TSPAN11: variants seen among roughly 807,000 people sequenced by gnomAD.
TSPAN11 encodes the protein tetraspanin-11.
Under a neutral mutation model 32.9 loss-of-function variants are expected in TSPAN11, and 29 were observed. The ratio of observed to expected loss-of-function variants is 0.88; its 90% CI spans 0.66 to 1.20. The LOEUF (loss-of-function observed/expected upper bound fraction) is 1.20, where lower values mean the gene tolerates loss of function less well. TSPAN11 is among the 50% of genes most tolerant of loss of function. The probability of loss-of-function intolerance (pLI) is 0.00; values close to 1 mark genes in which losing one functional copy is unlikely to be tolerated. For missense variants in TSPAN11, 283 were observed against 329.1 expected, an observed-to-expected ratio of 0.86 and a Z score of 1.08; for synonymous variants, 140 against 141.3, an observed-to-expected ratio of 0.99 and a Z score of 0.07.
chr12:30,937,094 T>C (rs558338746), intron 1 of TSPAN11, among the ~76,000 whole-genome samples: 1 of 152,184 alleles, frequency 6.6e-6, no homozygotes, highest in African/African-American at 2.4e-5. Context: ...TGACCAACTT[T>C]TCAAATTCAG....
At chr12:30,996,887 T>TTCCTCCCTTCAGTCAGTCCATGTTTTCC (rs1939426148), downstream of TSPAN11, among the ~76,000 whole-genome samples, 1 of 152,224 alleles carries the variant, frequency 6.6e-6, no homozygotes, top group African/African-American at 2.4e-5. Context: ...CTCTTCAGGC[T>TTCCTCCCTTCAGTCAGTCCATGTTTTCC]TCCTCCCTTC....
At position 30,963,937 on chromosome 12, in the gene TSPAN11, TTTGCGGGCGTAC is replaced by T. The variant is rs764397027; in HGVS notation, c.200_211del (p.Ala67_Leu70del). On this transcript the variant is annotated inframe_deletion, in exon 3 of 8. Transcript: ENST00000546076. The stretch of plus-strand genomic sequence containing the variant: ...TGCCGCCTCCGCCTACATCCTCATC[TTTGCGGGCGTAC>T]TTGTCATGGTGACCGGCTTCCTGGG... The T allele has an allele frequency of 1.2e-6, 2 of 1,614,100 alleles. No individual in the cohort carries two copies. Among genetic ancestry groups the T allele is most frequent in the Admixed American group, 3.3e-5 (2 of 60,026 alleles).
chr12:30,997,977 G>A (rs987959947), downstream of TSPAN11, among the ~76,000 whole-genome samples: 1 of 152,248 alleles, frequency 6.6e-6, no homozygotes, highest in Admixed American at 6.5e-5. Flanking sequence ...AAAGGTCATA[G>A]CAGCGGCCTT....
chr12:30,961,849 G>T (rs78850568), intron 2 of TSPAN11, among the ~76,000 whole-genome samples: 2 of 151,952 alleles, frequency 1.3e-5, no homozygotes, highest in African/African-American at 4.9e-5. Flanking sequence ...TGCTGAAGGG[G>T]GCAAAAAGAA....
intron 2 of TSPAN11, among the ~76,000 whole-genome samples, chr12:30,958,402 GAGA>G (rs1479351625): frequency 6.6e-6 from 1 of 152,186 alleles, no homozygotes; most frequent in Admixed American, 6.5e-5. Context: ...CTGGCACTCA[GAGA>G]AGGTCATTCA....
the TSPAN11 span, among the ~76,000 whole-genome samples, chr12:31,016,115 A>C: frequency 6.6e-6 from 1 of 152,248 alleles, no homozygotes; most frequent in Non-Finnish European, 1.5e-5. Flanking sequence ...CGTCTCTAAA[A>C]AAGTTTTATT....
chr12:30,986,538 C>T (rs555333365), intron 7 of TSPAN11, among the ~76,000 whole-genome samples: 62 of 152,188 alleles, frequency 4.1e-4, no homozygotes, highest in Middle Eastern at 3.2e-3. Context: ...TAAGGGTTTC[C>T]AATACAGCTT....
chr12:31,000,266 C>T (rs1001933262), downstream of TSPAN11, among the ~76,000 whole-genome samples: 10 of 152,216 alleles, frequency 6.6e-5, no homozygotes, highest in Admixed American at 6.5e-4. Flanking sequence ...GTTCTCTGAG[C>T]TCCTGCAGGC....
downstream of TSPAN11, among the ~76,000 whole-genome samples, chr12:30,997,704 A>G (rs1939436140): frequency 6.6e-6 from 1 of 152,116 alleles, no homozygotes. Context: ...GAACCAAACC[A>G]TATCAGGCAG....
At chr12:30,949,019 A>G (rs1938324615) in intron 1 of TSPAN11, among the ~76,000 whole-genome samples, 1 of 152,216 alleles carries the variant, frequency 6.6e-6, no homozygotes, top group Admixed American at 6.5e-5. Context: ...GGCACGGACA[A>G]AATGCTGGCA....
intron 2 of TSPAN11, among the ~76,000 whole-genome samples, chr12:30,957,231 C>T (rs1005731051): frequency 1.9e-5 from 1 of 51,566 alleles, no homozygotes; most frequent in South Asian, 8.1e-4. Context: ...GCCTGGGACC[C>T]CCCCCCCCCC....
At chr12:30,974,473 T>C (rs1938919124) in intron 3 of TSPAN11, among the ~76,000 whole-genome samples, 1 of 152,220 alleles carries the variant, frequency 6.6e-6, no homozygotes, top group Non-Finnish European at 1.5e-5. Context: ...AAGGTAACTG[T>C]GCTATGCTAC....
chr12:30,988,163 G>A (rs970465055), intron 7 of TSPAN11, among the ~76,000 whole-genome samples: 2 of 152,202 alleles, frequency 1.3e-5, no homozygotes, highest in African/African-American at 4.8e-5. Context: ...GCACACCAGA[G>A]GCAGTTTCAG....
intron 7 of TSPAN11, among the ~76,000 whole-genome samples, chr12:30,990,331 G>A (rs1827238077): frequency 6.6e-6 from 1 of 152,142 alleles, no homozygotes; most frequent in African/African-American, 2.4e-5. Flanking sequence ...TGCAGGCGAT[G>A]CAGACATGGT....
chr12:31,011,445 A>G, the TSPAN11 span, among the ~76,000 whole-genome samples: 1 of 152,210 alleles, frequency 6.6e-6, no homozygotes, highest in Non-Finnish European at 1.5e-5. Context: ...CCAATCAGCC[A>G]ATGAGGCCAC....
At chr12:30,956,607 G>A (rs1938483260) in intron 2 of TSPAN11, among the ~76,000 whole-genome samples, 1 of 152,052 alleles carries the variant, frequency 6.6e-6, no homozygotes, top group Non-Finnish European at 1.5e-5. Context: ...ATCCTACAAA[G>A]CAGGGAAGGA....
intron 7 of TSPAN11, 147 bp from the exon 8 acceptor site, chr12:30,991,709 G>A: frequency 3.8e-6 from 3 of 783,736 alleles, no homozygotes; most frequent in Non-Finnish European, 6.3e-6. Context: ...GTCCCACCCT[G>A]ACATTTTGAG....
intron 3 of TSPAN11, among the ~76,000 whole-genome samples, chr12:30,972,033 C>T (rs1938862517): frequency 6.6e-6 from 1 of 152,228 alleles, no homozygotes; most frequent in Non-Finnish European, 1.5e-5. Context: ...GCTTAACACA[C>T]TGCTCCAGCT....
At chr12:30,940,302 ATTCC>A (rs1286344322) in intron 1 of TSPAN11, among the ~76,000 whole-genome samples, 3 of 152,194 alleles carry the variant, frequency 2.0e-5, no homozygotes, top group Non-Finnish European at 2.9e-5. Flanking sequence ...TCCTTAATGC[ATTCC>A]TTCCTTCATT....
Sources: gnomAD v4.1 joint callset for allele counts (sites outside exome capture counted in the v4.1 genomes callset) on GRCh38, gnomAD v4.1.1 for gene constraint, MANE v1.5 for transcripts, NCBI Gene and HGNC (gene_info 2026-07-23, HGNC 2026-07-21) for gene names.